The following PCNT variants were observed in gnomAD, a reference collection of about 807,000 sequenced individuals.
The protein encoded by PCNT is pericentrin.
Under a neutral mutation model 380.4 loss-of-function variants are expected in PCNT, and 319 were observed. That is an observed-to-expected ratio of 0.84 (90% CI 0.77 to 0.92). The LOEUF is 0.92. Ranked by LOEUF, PCNT falls within the 40% of genes least tolerant of loss-of-function variation. The pLI is 0.00. For synonymous variants in PCNT, 1,845 were observed against 1,735.2 expected, an observed-to-expected ratio of 1.06 and a Z score of -1.57; for missense variants, 4,400 against 4,255.3, an observed-to-expected ratio of 1.03 and a Z score of -0.95.
rs199599276 is a variant in PCNT at position 46,436,098 on chromosome 21, G to C, written c.8946G>C (p.Leu2982=). 1.1e-5 allele frequency: 18 copies of C among 1,611,384 alleles called. No individual in the cohort carries two copies. In the East Asian group the frequency reaches 1.8e-4, roughly 16 times the overall value. The change falls in exon 39 of 47, where the codon CTG becomes CTC. Residue 2982 remains leucine (L), a synonymous_variant. Coordinates refer to ENST00000359568, the MANE Select transcript of PCNT (RefSeq NM_006031.6). ...QRELEAMRQR[L]LSAARLLTSF... ...AGCTGGAGGCGATGAGGCAGCGGCT[G>C]CTCTCTGCCGCCCGGCTTCTCACCA...
intron 29 of PCNT, among the ~76,000 whole-genome samples, chr21:46,414,883 C>T (rs995075559): frequency 7.2e-5 from 11 of 152,146 alleles, no homozygotes; most frequent in African/African-American, 2.7e-4. Flanking sequence ...CACACAGCCA[C>T]CCACCCTGCT....
At chr21:46,441,125 C>G in intron 43 of PCNT, 41 bp downstream of exon 43, 3 of 1,220,240 alleles carry the variant, frequency 2.5e-6, no homozygotes, top group Non-Finnish European at 3.7e-6. Flanking sequence ...CCGCGTCTGT[C>G]TCCGTGAGTG....
chr21:46,433,834 C>T (rs1257975234), intron 38 of PCNT, among the ~76,000 whole-genome samples: 3 of 152,104 alleles, frequency 2.0e-5, no homozygotes, highest in Admixed American at 1.3e-4. Flanking sequence ...TGCAATGGCA[C>T]GATCTTGGCT....
Position 46,425,950 on chromosome 21 carries a change from G to A in PCNT, c.7299G>A (p.Ser2433=), listed in dbSNP as rs376200003. The change falls in exon 33 of 47, where the codon TCG becomes TCA. Residue 2433 remains serine (S), a synonymous_variant. Coordinates refer to ENST00000359568, the MANE Select transcript of PCNT (RefSeq NM_006031.6). This position sits in a 1 kb window ranked among gnomAD's most constrained non-coding sequence, Gnocchi z 4.2. ...AGGAAGACGAGATACAGGACATCTCGCTCCATGGGGGAAAGACGCAGGTTT... is the reference window on the plus strand; with the variant it reads ...AGGAAGACGAGATACAGGACATCTCACTCCATGGGGGAAAGACGCAGGTTT... The part of the protein sequence containing the change: ...PRKEDEIQDI[S]LHGGKTQEVP... 6.8e-6 allele frequency: 11 copies of A among 1,613,906 alleles called. No homozygotes were observed. Among genetic ancestry groups the A allele is most frequent in the Admixed American group, 5.0e-5 (3 of 59,988 alleles).
At chr21:46,435,828 C>A (rs1183617472) in intron 38 of PCNT, 76 bp from the exon 39 acceptor site, 2 of 1,576,936 alleles carry the variant, frequency 1.3e-6, no homozygotes, top group Non-Finnish European at 8.7e-7. Flanking sequence ...AGGCATGAAC[C>A]ACCGCGCCCG....
At chr21:46,443,631 C>T (rs547790536) in intron 44 of PCNT, among the ~76,000 whole-genome samples, 179 bp from the exon 45 acceptor site, 2 of 152,326 alleles carry the variant, frequency 1.3e-5, no homozygotes, top group Non-Finnish European at 2.9e-5. Context: ...ATAGTCAAAG[C>T]TCAGGTTTCT....
Position 46,363,802 on chromosome 21 carries a change from A to T in PCNT, c.2477A>T (p.Gln826Leu). Residue 826 changes from glutamine to leucine, a missense_variant, in exon 14 of 47, where the codon CAG becomes CTG. Gln to Leu is a moderately radical substitution (Grantham distance 113, BLOSUM62 -2). Transcript: ENST00000359568. ...EQQGRLQQLE[Q>L]DLTSDDALHC... Reference sequence around the variant, plus strand: ...CAGGGCCGCCTGCAGCAGCTGGAACAGGACCTCACTTCAGACGACGCCCTG... The same window carrying T: ...CAGGGCCGCCTGCAGCAGCTGGAACTGGACCTCACTTCAGACGACGCCCTG... 1 of 1,613,396 alleles carries T rather than the reference A, an allele frequency of 6.2e-7. No individual in the cohort carries two copies. Among genetic ancestry groups the T allele is most frequent in the East Asian group, 2.2e-5 (1 of 44,882 alleles).
intron 33 of PCNT, among the ~76,000 whole-genome samples, chr21:46,426,396 T>G (rs1015808988): frequency 2.0e-5 from 3 of 151,978 alleles, no homozygotes; most frequent in African/African-American, 7.3e-5. Flanking sequence ...CCTTCCCATC[T>G]CCCACAGCCA....
At position 46,355,465 on chromosome 21, in the gene PCNT, G is replaced by A. The variant is rs754798472; in HGVS notation, c.1775G>A (p.Arg592His). Reference sequence around the variant, plus strand: ...GTTTCTCTGTAGGAGAGCCTGCCACGCTTCCAGGCGGAGTTAGAAGAAAGC... The same window carrying A: ...GTTTCTCTGTAGGAGAGCCTGCCACACTTCCAGGCGGAGTTAGAAGAAAGC... ...EPERHKESLP[R>H]FQAELEESHR... The change falls in exon 12 of 47, where the codon CGC becomes CAC. Residue 592 changes from arginine to histidine, a missense_variant. Physicochemically the swap from Arg to His is conservative, Grantham distance 29. Transcript: ENST00000359568. 2.5e-5 allele frequency: 40 copies of A among 1,613,854 alleles called. No individual in the cohort carries two copies. Among genetic ancestry groups the A allele is most frequent in the Non-Finnish European group, 3.1e-5 (37 of 1,180,030 alleles).
rs1569238259 is a variant in PCNT at position 46,388,835 on chromosome 21, CGTG to C, written c.3560_3562del (p.Val1187del). The stretch of plus-strand genomic sequence containing the variant: ...CCCTGAGGAGCCGGATCGGGGAGCG[CGTG>C]GGGCTCTGCCTGGATGACGCGGGCG... On this transcript the variant is annotated inframe_deletion, in exon 18 of 47. Coordinates refer to ENST00000359568, the MANE Select transcript of PCNT (RefSeq NM_006031.6). The surrounding 1 kb of genome is among the most constrained non-coding windows in gnomAD (Gnocchi z 4.2). 1 of 1,612,092 alleles carries C rather than the reference CGTG, an allele frequency of 6.2e-7. No homozygotes were observed. The highest frequency in any genetic ancestry group is 1.1e-5 in the South Asian group (1 of 91,032).
At chr21:46,330,139 A>T (rs1355458164) in intron 2 of PCNT, among the ~76,000 whole-genome samples, 2 of 151,872 alleles carry the variant, frequency 1.3e-5, no homozygotes, top group Non-Finnish European at 2.9e-5. Context: ...TTTTTTTGAG[A>T]TAGGGTCTTG....
intron 3 of PCNT, among the ~76,000 whole-genome samples, chr21:46,342,534 C>CTTT (rs748392645): frequency 7.0e-6 from 1 of 142,324 alleles, no homozygotes; most frequent in Non-Finnish European, 1.5e-5. Flanking sequence ...TCAATTCTTT[C>CTTT]TTTTTTTTTT....
At chr21:46,436,259 C>T (rs2053443865) in intron 39 of PCNT, 111 bp downstream of exon 39, 1 of 1,234,590 alleles carries the variant, frequency 8.1e-7, no homozygotes, top group Non-Finnish European at 1.2e-6. Flanking sequence ...CTCCTTTGCA[C>T]TTAACGCTCT....
At chr21:46,358,618 T>G (rs1039128420) in intron 13 of PCNT, among the ~76,000 whole-genome samples, 10 of 143,542 alleles carry the variant, frequency 7.0e-5, no homozygotes, top group Non-Finnish European at 1.5e-4. Flanking sequence ...TGTTGTTGTT[T>G]TGTTGTTTTG....
chr21:46,406,278 T>C (rs117448510), intron 27 of PCNT, among the ~76,000 whole-genome samples: 7,440 of 152,308 alleles, frequency 0.049, 228 homozygotes, highest in Non-Finnish European at 0.063. Flanking sequence ...ATTCTAACTC[T>C]GGGGTTAGTG....
intron 15 of PCNT, among the ~76,000 whole-genome samples, chr21:46,373,729 C>CCT (rs2085235047): frequency 3.2e-5 from 2 of 63,100 alleles, no homozygotes; most frequent in Admixed American, 2.1e-4. Context: ...CCAGCCTTAG[C>CCT]TTTTTTTTTT....
intron 15 of PCNT, among the ~76,000 whole-genome samples, chr21:46,378,697 G>T (rs1294427405): frequency 2.6e-5 from 4 of 152,210 alleles, no homozygotes; most frequent in African/African-American, 9.7e-5. Flanking sequence ...AAAGGGGACT[G>T]ATATATATTG....
chr21:46,381,766 G>A lies in PCNT; in HGVS notation c.3238G>A (p.Ala1080Thr). ...EETLRLQSAQAQPFHQEEKES... is the reference protein window; with the variant it reads ...EETLRLQSAQTQPFHQEEKES... ...GACACTTCGGCTTCAGAGTGCACAG[G>A]CACAGCCTTTTCACCAAGAGGAGAA... The change falls in exon 16 of 47, where the codon GCA (alanine) becomes ACA (threonine). Residue 1080 changes from alanine to threonine, a missense_variant. Transcript: ENST00000359568. 6.2e-7 allele frequency: 1 copy of A among 1,614,104 alleles called. No homozygotes were observed. Among genetic ancestry groups the A allele is most frequent in the Non-Finnish European group, 8.5e-7 (1 of 1,179,928 alleles).
chr21:46,398,486 C>T (rs2086284243), intron 24 of PCNT, among the ~76,000 whole-genome samples: 1 of 152,260 alleles, frequency 6.6e-6, no homozygotes, highest in South Asian at 2.1e-4. Context: ...GTGCCTGGCA[C>T]GTGGTTCCCC....
Sources: allele counts gnomAD v4.1 joint callset (sites outside exome capture counted in the v4.1 genomes callset), GRCh38; gene constraint gnomAD v4.1.1; non-coding constraint Gnocchi (gnomAD v3.1); transcripts MANE v1.5; gene names NCBI Gene and HGNC (gene_info 2026-07-23, HGNC 2026-07-21).